CAMKMT: variants seen among roughly 807,000 people sequenced by gnomAD.
CAMKMT encodes the protein CaM KMT.
A neutral mutation model predicts 48.0 loss-of-function variants in CAMKMT; 53 were observed. The observed-to-expected ratio is 1.10, with a 90% CI of 0.89 to 1.39. The LOEUF (loss-of-function observed/expected upper bound fraction) is 1.39. CAMKMT is among the 40% of genes most tolerant of loss of function. The pLI is 0.00. For synonymous variants in CAMKMT, 165 were observed against 152.3 expected (o/e 1.08, Z -0.61); for missense variants, 428 against 402.7 (o/e 1.06, Z -0.54).
chr2:44,421,922 CAG>C (rs1683959471), intron 3 of CAMKMT, among the ~76,000 whole-genome samples: 1 of 152,144 alleles, frequency 6.6e-6, no homozygotes, highest in African/African-American at 2.4e-5. Context: ...AAGCAATTCT[CAG>C]AGTATATTTT....
intron 7 of CAMKMT, among the ~76,000 whole-genome samples, chr2:44,718,857 T>G (rs980768814): frequency 2.0e-5 from 3 of 152,224 alleles, no homozygotes; most frequent in African/African-American, 7.2e-5. Flanking sequence ...TAGTAAACTA[T>G]GGAACTTGTG....
chr2:44,646,270 A>C (rs6544767), intron 3 of CAMKMT, among the ~76,000 whole-genome samples: 92,542 of 151,878 alleles, frequency 0.61, 28,893 homozygotes, highest in Admixed American at 0.69. Context: ...GAATACTTCA[A>C]CTCAGATTGG....
intron 3 of CAMKMT, chr2:44,456,430 C>T: frequency 2.7e-6 from 3 of 1,122,138 alleles, no homozygotes; most frequent in Non-Finnish European, 3.7e-6. Context: ...TCTTTTAGCC[C>T]TCTTACCCTC....
At position 44,662,036 on chromosome 2, in the gene CAMKMT, G is replaced by A. The variant is rs902417675; in HGVS notation, c.377-42247G>A. On this transcript the variant is annotated intron_variant, in intron 3 of 10. Transcript: ENST00000378494. ...CACTGTATGCAACCCTCATGATTTG[G>A]GACAGCTGTAATTATTGGGAAAGGT... Among the ~76,000 whole-genome samples the A allele has an allele frequency of 2.6e-5, 4 of 152,066 alleles. No individual in the cohort carries two copies. The East Asian group carries it at 7.7e-4, about 29-fold the overall frequency.
At chr2:44,456,673 G>A (rs1667580410) in intron 3 of CAMKMT, 3 of 1,507,780 alleles carry the variant, frequency 2.0e-6, no homozygotes, top group Non-Finnish European at 1.8e-6. Context: ...AAGAAAAGAT[G>A]TTTTGGCCAA....
chr2:44,521,424 G>T (rs536303665), intron 3 of CAMKMT, among the ~76,000 whole-genome samples: 1 of 152,126 alleles, frequency 6.6e-6, no homozygotes, highest in East Asian at 1.9e-4. Flanking sequence ...GACTGCAGGT[G>T]TGCACCACCA....
intron 3 of CAMKMT, among the ~76,000 whole-genome samples, chr2:44,702,157 TAAAGAAATTC>T (rs1042197040): frequency 2.6e-5 from 4 of 152,188 alleles, no homozygotes; most frequent in Non-Finnish European, 4.4e-5. Flanking sequence ...GCTAAAGGCA[TAAAGAAATTC>T]ATTATAGTGG....
intron 3 of CAMKMT, among the ~76,000 whole-genome samples, chr2:44,607,786 T>C (rs191774249): frequency 2.0e-5 from 3 of 152,268 alleles, no homozygotes; most frequent in Admixed American, 2.0e-4. Flanking sequence ...GTCCTCTACT[T>C]TTTTCCAAGT....
At chr2:44,574,144 G>C (rs1669075386) in intron 3 of CAMKMT, among the ~76,000 whole-genome samples, 2 of 152,136 alleles carry the variant, frequency 1.3e-5, no homozygotes, top group African/African-American at 4.8e-5. Flanking sequence ...TAATTATCAT[G>C]AAGGAAATGT....
intron 3 of CAMKMT, among the ~76,000 whole-genome samples, chr2:44,497,018 T>A (rs1669781602): frequency 6.6e-6 from 1 of 152,234 alleles, no homozygotes; most frequent in Non-Finnish European, 1.5e-5. Flanking sequence ...GTTTTTAAAT[T>A]GGAAGTGGAA....
intron 7 of CAMKMT, among the ~76,000 whole-genome samples, chr2:44,739,365 A>G (rs777809691): frequency 6.6e-6 from 1 of 152,246 alleles, no homozygotes; most frequent in Non-Finnish European, 1.5e-5. Context: ...GGCATATTCA[A>G]TGTGGACTGT....
chr2:44,723,742 A>T (rs961451074), intron 7 of CAMKMT: 3 of 152,178 alleles, frequency 2.0e-5, no homozygotes, highest in African/African-American at 7.2e-5. Flanking sequence ...TTATGCACTT[A>T]CAAGAAAGGA....
intron 1 of CAMKMT, among the ~76,000 whole-genome samples, chr2:44,362,733 C>T (rs543898723): frequency 6.6e-6 from 1 of 152,294 alleles, no homozygotes; most frequent in Admixed American, 6.5e-5. Flanking sequence ...TTGTAGTGAT[C>T]AGCGAGATTC....
chr2:44,726,388 G>A (rs185481044), intron 7 of CAMKMT, among the ~76,000 whole-genome samples: 1 of 152,262 alleles, frequency 6.6e-6, no homozygotes, highest in East Asian at 1.9e-4. Context: ...TAGTGATGCT[G>A]GCATTTTTTA....
At chr2:44,439,977 T>A (rs2104560005) in intron 3 of CAMKMT, among the ~76,000 whole-genome samples, 1 of 152,216 alleles carries the variant, frequency 6.6e-6, no homozygotes, top group African/African-American at 2.4e-5. Flanking sequence ...GAGACAAAGG[T>A]CTCATTGGCA....
intron 3 of CAMKMT, among the ~76,000 whole-genome samples, chr2:44,427,134 C>T (rs1308587575): frequency 1.3e-5 from 2 of 152,174 alleles, no homozygotes; most frequent in Non-Finnish European, 2.9e-5. Context: ...ATGACATCTA[C>T]CTCTGACCAT....
At chr2:44,563,022 A>AT in intron 3 of CAMKMT, among the ~76,000 whole-genome samples, 1 of 152,250 alleles carries the variant, frequency 6.6e-6, no homozygotes, top group East Asian at 1.9e-4. Context: ...CAGACATTAC[A>AT]TTATTTGATC....
At chr2:44,548,478 G>A (rs546073359) in intron 3 of CAMKMT, among the ~76,000 whole-genome samples, 4 of 152,024 alleles carry the variant, frequency 2.6e-5, no homozygotes, top group South Asian at 2.1e-4. Context: ...CAAGATTCCC[G>A]GCCCTGCTGT....
chr2:44,367,045 G>A lies in CAMKMT; in HGVS notation c.138+4900G>A, dbSNP rs550508808. On this transcript the variant is annotated intron_variant, in intron 1 of 10. Transcript: ENST00000378494. ...CGGCCTGTTGCTGTGTCTTAAAAACGGGAAACACTATAGCTTCCGCATGTA... is the reference window on the plus strand; with the variant it reads ...CGGCCTGTTGCTGTGTCTTAAAAACAGGAAACACTATAGCTTCCGCATGTA... Among the ~76,000 whole-genome samples, 18 of 152,148 alleles carry A rather than the reference G, an allele frequency of 1.2e-4. No individual in the cohort carries two copies. The South Asian group carries it at 2.3e-3, about 19-fold the overall frequency.
Sources: gnomAD v4.1 joint callset for allele counts (sites outside exome capture counted in the v4.1 genomes callset) on GRCh38, gnomAD v4.1.1 for gene constraint, MANE v1.5 for transcripts, NCBI Gene and HGNC (gene_info 2026-07-23, HGNC 2026-07-21) for gene names.